The following WWOX variants were observed in gnomAD, a reference collection of about 807,000 sequenced individuals.
WWOX encodes the protein WW domain containing oxidoreductase.
Under a neutral mutation model 46.2 loss-of-function variants are expected in WWOX, and 69 were observed. That is an observed-to-expected ratio of 1.49 (90% CI 1.23 to 1.82). WWOX has a LOEUF of 1.82. Among genes scored for constraint, WWOX ranks in the 40% most tolerant of loss-of-function variants. WWOX has a pLI of 0.00. For synonymous variants in WWOX, 359 were observed against 202.6 expected (o/e 1.77, Z -6.56); for missense variants, 919 against 542.6 (o/e 1.69, Z -6.89).
At chr16:79,157,701 T>C (rs1251876120) in intron 8 of WWOX, among the ~76,000 whole-genome samples, 1 of 152,152 alleles carries the variant, frequency 6.6e-6, no homozygotes, top group Non-Finnish European at 1.5e-5. Flanking sequence ...GTTGTGATGA[T>C]TGTGATCTGT....
At chr16:79,051,766 T>C (rs559351934) in intron 8 of WWOX, among the ~76,000 whole-genome samples, 36 of 152,362 alleles carry the variant, frequency 2.4e-4, no homozygotes, top group African/African-American at 7.9e-4. Flanking sequence ...GTAACTTCTC[T>C]TAGAAGCAAA....
chr16:78,970,131 G>T (rs1296227996), intron 8 of WWOX, among the ~76,000 whole-genome samples: 1 of 152,164 alleles, frequency 6.6e-6, no homozygotes, highest in Non-Finnish European at 1.5e-5. Flanking sequence ...GATGTGGCCT[G>T]AGTAGCACAT....
At chr16:78,467,223 T>C (rs2084101077) in intron 8 of WWOX, among the ~76,000 whole-genome samples, 1 of 152,210 alleles carries the variant, frequency 6.6e-6, no homozygotes, top group Non-Finnish European at 1.5e-5. Context: ...ATTTTCCCCT[T>C]TCTGGCAGAG....
intron 8 of WWOX, among the ~76,000 whole-genome samples, chr16:78,763,221 C>T (rs898816450): frequency 1.3e-5 from 2 of 152,188 alleles, no homozygotes; most frequent in South Asian, 2.1e-4. Context: ...TATTACAAAG[C>T]GATACTTTTC....
Position 78,936,763 on chromosome 16 carries a change from G to A in WWOX, c.1057-274845G>A, listed in dbSNP as rs533020333. Reference sequence around the variant, plus strand: ...CTCCAGTGGATCAACTATGAGTTAAGTAAAAAAAAAGTCAGTGCTACCGTT... The same window carrying A: ...CTCCAGTGGATCAACTATGAGTTAAATAAAAAAAAAGTCAGTGCTACCGTT... On this transcript the variant is annotated intron_variant, in intron 8 of 8. Transcript: ENST00000566780. Among the ~76,000 whole-genome samples, 24 of 150,266 alleles carry A rather than the reference G, an allele frequency of 1.6e-4. No individual in the cohort carries two copies. In the South Asian group the frequency reaches 5.1e-3, roughly 32 times the overall value.
chr16:78,700,121 G>T (rs895333424), intron 8 of WWOX, among the ~76,000 whole-genome samples: 1 of 151,542 alleles, frequency 6.6e-6, no homozygotes, highest in Non-Finnish European at 1.5e-5. Flanking sequence ...CACTAGTTAC[G>T]TGGACTGTCT....
At chr16:78,769,530 ATTAT>A (rs141334504) in intron 8 of WWOX, among the ~76,000 whole-genome samples, 4,170 of 103,816 alleles carry the variant, frequency 0.04, 156 homozygotes, top group East Asian at 0.11. Context: ...CACCCCCCAC[ATTAT>A]TTATTTATTT....
intron 5 of WWOX, among the ~76,000 whole-genome samples, chr16:78,250,176 A>G (rs920278320): frequency 3.9e-5 from 6 of 152,182 alleles, no homozygotes; most frequent in African/African-American, 1.4e-4. Context: ...AGGGGGCTGT[A>G]TGGATATTAA....
At chr16:78,925,239 A>G (rs969064084) in intron 8 of WWOX, among the ~76,000 whole-genome samples, 1 of 152,212 alleles carries the variant, frequency 6.6e-6, no homozygotes, top group African/African-American at 2.4e-5. Flanking sequence ...TAAGCCTGGT[A>G]GAAGCCACAT....
intron 8 of WWOX, among the ~76,000 whole-genome samples, chr16:78,913,948 A>G (rs896352176): frequency 2.0e-5 from 3 of 152,056 alleles, no homozygotes; most frequent in Non-Finnish European, 2.9e-5. Context: ...GACATGATCC[A>G]CTGCACGTGG....
intron 8 of WWOX, among the ~76,000 whole-genome samples, chr16:78,536,506 G>A (rs1276468085): frequency 6.6e-6 from 1 of 152,060 alleles, no homozygotes; most frequent in East Asian, 1.9e-4. Flanking sequence ...GGTGAAGAGG[G>A]AAGTCCGCTG....
chr16:79,163,795 CAAAAAA>C (rs66922536), intron 8 of WWOX, among the ~76,000 whole-genome samples: 9,157 of 102,148 alleles, frequency 0.09, 379 homozygotes, highest in Non-Finnish European at 0.13. Context: ...AACTCCACCT[CAAAAAA>C]AAAAAAAAAA....
chr16:79,175,570 C>T (rs2050783974), intron 8 of WWOX, among the ~76,000 whole-genome samples: 1 of 152,054 alleles, frequency 6.6e-6, no homozygotes. Flanking sequence ...TGAAAGAATC[C>T]CAGGGAGTGG....
chr16:78,440,420 G>A (rs1476427501), intron 8 of WWOX, among the ~76,000 whole-genome samples: 7 of 152,048 alleles, frequency 4.6e-5, no homozygotes, highest in Non-Finnish European at 7.4e-5. Context: ...AACAGCACAC[G>A]TCAAGGAAGC....
intron 5 of WWOX, among the ~76,000 whole-genome samples, chr16:78,236,223 C>T (rs1358033504): frequency 6.6e-6 from 1 of 152,210 alleles, no homozygotes; most frequent in East Asian, 1.9e-4. Context: ...CGTTAGTTTT[C>T]TCACTGTCAA....
chr16:78,152,111 A>C (rs1350819875), intron 4 of WWOX, among the ~76,000 whole-genome samples: 1 of 151,664 alleles, frequency 6.6e-6, no homozygotes, highest in African/African-American at 2.4e-5. Context: ...AGTGGCGTGA[A>C]CCCGGGAGGC....
At position 79,211,639 on chromosome 16, in the gene WWOX, C is replaced by G. The variant is rs2051755192; in HGVS notation, c.1088C>G (p.Ala363Gly). The G allele has an allele frequency of 1.2e-6, 2 of 1,614,096 alleles. No individual in the cohort carries two copies. Among genetic ancestry groups the G allele is most frequent in the African/African-American group, 1.3e-5 (1 of 74,942 alleles). Residue 363 changes from alanine (A) to glycine (G), a missense_variant, in exon 9 of 9, where the codon GCT becomes GGT. Transcript: ENST00000566780. The stretch of plus-strand genomic sequence containing the variant: ...GGAGCTGCCACCACCGTGTACTGTG[C>G]TGCTGTCCCAGAACTGGAGGGTCTG... ...QQGAATTVYCAAVPELEGLGG... is the reference protein window; with the variant it reads ...QQGAATTVYCGAVPELEGLGG...
At chr16:78,551,571 T>C (rs938801665) in intron 8 of WWOX, 1 of 152,204 alleles carries the variant, frequency 6.6e-6, no homozygotes, top group Non-Finnish European at 1.5e-5. Flanking sequence ...TTCTGTCTGG[T>C]AGCTGTTTGC....
intron 8 of WWOX, among the ~76,000 whole-genome samples, chr16:78,866,869 C>A (rs997941387): frequency 6.6e-6 from 1 of 152,214 alleles, no homozygotes; most frequent in African/African-American, 2.4e-5. Context: ...TGACCACACT[C>A]AGAAGCCAAG....
Sources: gnomAD v4.1 joint callset for allele counts (sites outside exome capture counted in the v4.1 genomes callset) on GRCh38, gnomAD v4.1.1 for gene constraint, MANE v1.5 for transcripts, NCBI Gene and HGNC (gene_info 2026-07-23, HGNC 2026-07-21) for gene names.